Variants in CPOX observed in about 807,000 individuals in gnomAD.
CPOX encodes the protein coproporphyrinogen oxidase, also known as oxygen-dependent coproporphyrinogen-III oxidase, mitochondrial.
Under a neutral mutation model 48.9 loss-of-function variants are expected in CPOX, and 24 were observed. The observed-to-expected ratio is 0.49, with a 90% CI of 0.36 to 0.69. CPOX has a LOEUF of 0.69. CPOX is among the 30% of genes least tolerant of loss of function. The probability of loss-of-function intolerance (pLI) is 0.00; values close to 1 mark genes in which losing one functional copy is unlikely to be tolerated. For missense variants in CPOX, 549 were observed against 597.3 expected (o/e 0.92, Z 0.84); for synonymous variants, 249 against 234.6 (o/e 1.06, Z -0.56).
the CPOX span, among the ~76,000 whole-genome samples, chr3:98,573,176 G>C: frequency 6.6e-6 from 1 of 152,082 alleles, no homozygotes; most frequent in East Asian, 1.9e-4. Flanking sequence ...CATTTTCTCA[G>C]GCAACTCGCA....
Position 98,588,697 on chromosome 3 carries a change from C to A in CPOX, c.953+16G>T. On this transcript the variant is annotated intron_variant, in intron 4 of 6. Transcript: ENST00000647941. ...ATGTAATTTTGGGGTCATGAAAGTT[C>A]AGTAACTTTACCTACCATTTTTTAA... 6.2e-7 allele frequency: 1 copy of A among 1,613,942 alleles called. No homozygotes were observed. Among genetic ancestry groups the A allele is most frequent in the South Asian group, 1.1e-5 (1 of 91,078 alleles).
At chr3:98,588,131 T>C (rs1707402449) in intron 4 of CPOX, among the ~76,000 whole-genome samples, 1 of 152,246 alleles carries the variant, frequency 6.6e-6, no homozygotes, top group African/African-American at 2.4e-5. Context: ...GAATGCCAAT[T>C]GGCTCTAAGC....
chr3:98,589,002 C>T, intron 3 of CPOX, 148 bp from the exon 4 acceptor site: 1 of 911,608 alleles, frequency 1.1e-6, no homozygotes, highest in Non-Finnish European at 1.7e-6. Context: ...GCTCTGAAGA[C>T]CAGTAAGGCC....
In CPOX at chr3:98,580,800, C is replaced by A. The variant is rs767808327; in HGVS notation, c.1278-30G>T. On this transcript the variant is annotated intron_variant, in intron 6 of 6. Transcript: ENST00000647941. ...GCATGTCCAAAACAAAAGCAAAAAA[C>A]GTCATAAAAAATGACACACATACCT... is the stretch of plus-strand genomic sequence containing the variant. 8 of 1,609,700 alleles carry A rather than the reference C, an allele frequency of 5.0e-6. No individual in the cohort carries two copies. The South Asian group carries it at 8.8e-5, about 18-fold the overall frequency.
chr3:98,588,922 C>A lies in CPOX; in HGVS notation c.812-68G>T. ...TTCAGCATTACTGGCTATATTAGGA[C>A]ACTTAATTTAGCAGCTTAATTTTTT... On this transcript the variant is annotated intron_variant, in intron 3 of 6. Transcript: ENST00000647941. 4.5e-6 allele frequency: 7 copies of A among 1,548,336 alleles called. No individual in the cohort carries two copies. The South Asian group carries it at 5.6e-5, about 12-fold the overall frequency.
rs1460019217 is a variant in CPOX, at chr3:98,579,972, G to A, written c.*711C>T. 3.0e-6 allele frequency: 3 copies of A among 985,580 alleles called. No individual in the cohort carries two copies. The highest frequency in any genetic ancestry group is 1.7e-5 in the African/African-American group (1 of 57,238). 61.1% of individuals were successfully genotyped at this position (985,580 alleles called of 1,614,324 possible). A position where few individuals can be genotyped will look rare whatever the true frequency, so the allele number is the denominator to read the frequency against. On this transcript the variant is annotated 3_prime_UTR_variant, in exon 7 of 7. Transcript: ENST00000647941. ...ATAAGCTTTCACATTCAAAAGTGCA[G>A]AGAATCCCAACATTAACAAACAATG...
At position 98,579,450 on chromosome 3, in the gene CPOX, TCTTA is replaced by T. The variant is rs1165866692; in HGVS notation, c.*1229_*1232del. The T allele has an allele frequency of 6.9e-6, 5 of 725,294 alleles. No individual in the cohort carries two copies. The African/African-American group carries it at 9.7e-5, about 14-fold the overall frequency. The allele number at this position is 725,294 out of a possible 1,614,324, so 44.9% of individuals were successfully genotyped here. The stretch of plus-strand genomic sequence containing the variant: ...AACAAAAAATATAAATATTTCTTAG[TCTTA>T]TTTAATAATAAAATTTATTAGCAGA... On this transcript the variant is annotated 3_prime_UTR_variant, in exon 7 of 7. Transcript: ENST00000647941.
Position 98,593,463 on chromosome 3 carries a change from C to A in CPOX, c.42G>T (p.Trp14Cys). ...QLGRLSSGPC[W>C]LVARGGCGGP... Reference sequence around the variant, plus strand: ...CTCCGCAGCCGCCCCGCGCCACGAGCCAGCAGGGGCCCGAGCTCAGCCTGC... The same window carrying A: ...CTCCGCAGCCGCCCCGCGCCACGAGACAGCAGGGGCCCGAGCTCAGCCTGC... The change falls in exon 1 of 7, where the codon TGG becomes TGT. Residue 14 changes from tryptophan (W) to cysteine (C), a missense_variant. Coordinates refer to ENST00000647941, the MANE Select transcript of CPOX (RefSeq NM_000097.7). 1 of 1,506,514 alleles carries A rather than the reference C, an allele frequency of 6.6e-7. No homozygotes were observed. The highest frequency in any genetic ancestry group is 8.8e-7 in the Non-Finnish European group (1 of 1,134,224). The allele number at this position is 1,506,514 out of a possible 1,614,324, so 93.3% of individuals were successfully genotyped here.
At position 98,580,422 on chromosome 3, in the gene CPOX, A is replaced by G. The variant is rs1479529554; in HGVS notation, c.*261T>C. On this transcript the variant is annotated 3_prime_UTR_variant, in exon 7 of 7. Coordinates refer to ENST00000647941, the MANE Select transcript of CPOX (RefSeq NM_000097.7). ...CCTTATCTCAATACTTGGAAACTCAATGTCCTATTTTGTAAACTAGTCATA... is the reference window on the plus strand; with the variant it reads ...CCTTATCTCAATACTTGGAAACTCAGTGTCCTATTTTGTAAACTAGTCATA... 7.8e-7 allele frequency: 1 copy of G among 1,282,232 alleles called. No individual in the cohort carries two copies. The highest frequency in any genetic ancestry group is 3.6e-5 in the East Asian group (1 of 28,156). 79.4% of individuals were successfully genotyped at this position (1,282,232 alleles called of 1,614,324 possible). A position where few individuals can be genotyped will look rare whatever the true frequency, so the allele number is the denominator to read the frequency against.
chr3:98,579,443 T>C (rs563018310), downstream of CPOX: 33 of 703,448 alleles, frequency 4.7e-5, no homozygotes, highest in East Asian at 1.1e-3. Context: ...ATATAAATAT[T>C]TCTTAGTCTT....
chr3:98,582,646 C>G (rs147057245), intron 5 of CPOX, among the ~76,000 whole-genome samples: 48 of 152,244 alleles, frequency 3.2e-4, no homozygotes, highest in East Asian at 1.9e-4. Context: ...CACCCGCCAC[C>G]ATGACTGGCT....
At chr3:98,586,126 C>T (rs1214929161) in intron 4 of CPOX, among the ~76,000 whole-genome samples, 5 of 152,092 alleles carry the variant, frequency 3.3e-5, no homozygotes, top group African/African-American at 7.2e-5. Flanking sequence ...CCTGCCTCGG[C>T]CTCCCAAAGT....
chr3:98,590,826 T>C, intron 2 of CPOX, 84 bp from the exon 3 acceptor site: 2 of 1,244,052 alleles, frequency 1.6e-6, no homozygotes, highest in South Asian at 1.3e-5. Context: ...GATTTCCAAG[T>C]CAATTTTCAA....
intron 5 of CPOX, among the ~76,000 whole-genome samples, chr3:98,583,576 G>C (rs545897248): frequency 6.6e-6 from 1 of 152,116 alleles, no homozygotes; most frequent in Non-Finnish European, 1.5e-5. Flanking sequence ...TAAGTTAAAA[G>C]TCTTTAATTT....
chr3:98,571,697 AAGAAAAAAG>A, the CPOX span, among the ~76,000 whole-genome samples: 1 of 136,322 alleles, frequency 7.3e-6, no homozygotes, highest in African/African-American at 2.8e-5. Context: ...CAAAAAAAAA[AAGAAAAAAG>A]AAAAAAAAGA....
chr3:98,580,294 T>C lies in CPOX; in HGVS notation c.*389A>G, dbSNP rs372375304. The stretch of plus-strand genomic sequence containing the variant: ...TCACTGAATTAATGAAAATAAAATA[T>C]ATTCCACGACAGATTTTTGTGGCAC... On this transcript the variant is annotated 3_prime_UTR_variant, in exon 7 of 7. Transcript: ENST00000647941. 19 of 1,006,820 alleles carry C rather than the reference T, an allele frequency of 1.9e-5. No homozygotes were observed. The highest frequency in any genetic ancestry group is 2.1e-4 in the East Asian group (2 of 9,688). The allele number at this position is 1,006,820 out of a possible 1,614,324, so 62.4% of individuals were successfully genotyped here.
chr3:98,590,158 G>GT lies in CPOX; in HGVS notation c.811+473dup, dbSNP rs1316117870. Reference sequence around the variant, plus strand: ...CATTCTTTTTGTTTTGTTTTGTTTTGTTTTTTTGAGACGGAGTCTCGCTCT... The same window carrying GT: ...CATTCTTTTTGTTTTGTTTTGTTTTGTTTTTTTTGAGACGGAGTCTCGCTCT... On this transcript the variant is annotated intron_variant, in intron 3 of 6. Transcript: ENST00000647941. 2.6e-5 allele frequency among the ~76,000 whole-genome samples: 4 copies of GT among 152,076 alleles called. No homozygotes were observed. In the South Asian group the frequency reaches 6.2e-4, roughly 24 times the overall value.
At chr3:98,582,172 C>T (rs950758295) in intron 5 of CPOX, among the ~76,000 whole-genome samples, 1 of 151,934 alleles carries the variant, frequency 6.6e-6, no homozygotes, top group Admixed American at 6.6e-5. Context: ...TCAACTAAAA[C>T]TTGGTTCAAT....
chr3:98,572,449 A>T, the CPOX span, among the ~76,000 whole-genome samples: 3,764 of 152,150 alleles, frequency 0.025, 117 homozygotes, highest in African/African-American at 0.08. Context: ...TTATGGTCCC[A>T]CTTGAAATAT....
Sources: gnomAD v4.1 joint callset for allele counts (sites outside exome capture counted in the v4.1 genomes callset) on GRCh38, gnomAD v4.1.1 for gene constraint, MANE v1.5 for transcripts, NCBI Gene and HGNC (gene_info 2026-07-23, HGNC 2026-07-21) for gene names.